HECW1: variants seen among roughly 807,000 people sequenced by gnomAD.
HECW1 encodes HECT, C2 and WW domain containing E3 ubiquitin protein ligase 1.
Under a neutral mutation model 182.3 loss-of-function variants are expected in HECW1, and 61 were observed. That is an observed-to-expected ratio of 0.33 (90% confidence interval 0.27 to 0.41). The LOEUF is 0.41. HECW1 is among the 10% of genes least tolerant of loss of function. The pLI, the probability that HECW1 is intolerant of heterozygous loss-of-function variation, is 1.00. For missense variants in HECW1, 1,739 were observed against 2,108.9 expected, an observed-to-expected ratio of 0.82 and a Z score of 3.44; for synonymous variants, 859 against 832.6, an observed-to-expected ratio of 1.03 and a Z score of -0.55.
chr7:43,114,168 A>G lies in HECW1; in HGVS notation c.-255A>G, dbSNP rs1784860792. On this transcript the variant is annotated 5_prime_UTR_variant, in exon 2 of 30. It removes an upstream start codon present in the reference 5' UTR. Transcript: ENST00000395891. ...TTCTCTTTGAAAAGATATCAATGCT[A>G]TGTTCAGCAGAAACGGATACAGCAA... 2 of 1,092,984 alleles carry G rather than the reference A, an allele frequency of 1.8e-6. No homozygotes were observed. The highest frequency in any genetic ancestry group is 1.2e-6 in the Non-Finnish European group (1 of 819,668). 67.7% of individuals were successfully genotyped at this position (1,092,984 alleles called of 1,614,324 possible).
intron 2 of HECW1, among the ~76,000 whole-genome samples, chr7:43,127,591 G>T (rs1786419452): frequency 6.6e-6 from 1 of 150,686 alleles, no homozygotes; most frequent in African/African-American, 2.4e-5. Flanking sequence ...AGTTTTCATG[G>T]TTTTGGATAG....
rs138972097 is a variant in HECW1 at position 43,334,629 on chromosome 7, G to T, written c.460+13887G>T. 3.9e-4 allele frequency among the ~76,000 whole-genome samples: 59 copies of T among 152,274 alleles called. No individual in the cohort carries two copies. In the East Asian group the frequency reaches 7.1e-3, roughly 18 times the overall value. On this transcript the variant is annotated intron_variant, in intron 5 of 29. Coordinates refer to ENST00000395891, the MANE Select transcript of HECW1 (RefSeq NM_015052.5). ...GCTGTTGCCAGCTGTGTTACCTGAG[G>T]AAAGTAAGCAGACAAAAAGCAGAAA...
intron 3 of HECW1, among the ~76,000 whole-genome samples, chr7:43,244,455 T>C (rs1328265572): frequency 6.6e-6 from 1 of 152,154 alleles, no homozygotes; most frequent in Non-Finnish European, 1.5e-5. Flanking sequence ...CTGCCAATGG[T>C]CCTCCTTCCT....
At chr7:43,133,099 T>C (rs1583627236) in intron 2 of HECW1, among the ~76,000 whole-genome samples, 1 of 152,124 alleles carries the variant, frequency 6.6e-6, no homozygotes, top group South Asian at 2.1e-4. Context: ...AATGAAATGA[T>C]CAATTACATT....
chr7:43,224,237 T>C (rs949394572), intron 2 of HECW1, among the ~76,000 whole-genome samples: 3 of 152,248 alleles, frequency 2.0e-5, no homozygotes, highest in African/African-American at 7.2e-5. Flanking sequence ...TAAAACATCA[T>C]GCATTTCTCA....
intron 24 of HECW1, among the ~76,000 whole-genome samples, chr7:43,515,224 T>C (rs1212290890): frequency 2.6e-4 from 40 of 152,114 alleles, no homozygotes; most frequent in Non-Finnish European, 1.5e-5. Context: ...CATCCTGGTG[T>C]CGGGTAGGGA....
At chr7:43,386,366 C>T (rs1002309743) in intron 6 of HECW1, among the ~76,000 whole-genome samples, 2 of 152,172 alleles carry the variant, frequency 1.3e-5, no homozygotes, top group Non-Finnish European at 2.9e-5. Flanking sequence ...GAAGGGTCCC[C>T]CTAGTCATCC....
intron 10 of HECW1, 91 bp downstream of exon 10, chr7:43,442,720 A>G: frequency 1.2e-6 from 1 of 863,628 alleles, no homozygotes; most frequent in Non-Finnish European, 1.9e-6. Flanking sequence ...GGTTCTCTCC[A>G]GATGTATCCT....
At position 43,305,012 on chromosome 7, in the gene HECW1, G is replaced by A. The variant is rs373529839; in HGVS notation, c.28-6751G>A. ...CCATTGAGGCCAGAGAGGAAGCTGC[G>A]GGACTGAGAACAGTCACTGAGTTCA... On this transcript the variant is annotated intron_variant, in intron 3 of 29. Transcript: ENST00000395891. Among the ~76,000 whole-genome samples the A allele has an allele frequency of 1.7e-4, 26 of 152,268 alleles. No homozygotes were observed. The East Asian group carries it at 4.0e-3, about 24-fold the overall frequency.
intron 3 of HECW1, among the ~76,000 whole-genome samples, chr7:43,248,111 A>G (rs1799623782): frequency 6.6e-6 from 1 of 151,940 alleles, no homozygotes; most frequent in African/African-American, 2.4e-5. Flanking sequence ...AGAGAAAGAC[A>G]AAGGAGAGGA....
intron 24 of HECW1, among the ~76,000 whole-genome samples, chr7:43,513,542 C>A (rs1461785915): frequency 6.6e-6 from 1 of 152,162 alleles, no homozygotes; most frequent in Non-Finnish European, 1.5e-5. Flanking sequence ...TAATCAAAAG[C>A]CCTAGCAGGG....
chr7:43,312,237 G>T (rs896618620), intron 4 of HECW1, 150 bp downstream of exon 4: 6 of 723,984 alleles, frequency 8.3e-6, no homozygotes, highest in Non-Finnish European at 1.3e-5. Flanking sequence ...GCATGACCTT[G>T]TTTTTCTGCA....
intron 3 of HECW1, among the ~76,000 whole-genome samples, chr7:43,263,447 G>A (rs1253200938): frequency 3.3e-5 from 5 of 152,216 alleles, no homozygotes; most frequent in Non-Finnish European, 5.9e-5. Flanking sequence ...TACAACCTCC[G>A]CCTCCCAGTT....
At chr7:43,378,047 A>G (rs1234225270) in intron 6 of HECW1, 1 of 175,024 alleles carries the variant, frequency 5.7e-6, no homozygotes, top group African/African-American at 2.4e-5. Context: ...TTGTGTTTTA[A>G]AGAGTTGAGT....
At chr7:43,151,190 T>A (rs903332830) in intron 2 of HECW1, among the ~76,000 whole-genome samples, 15 of 152,070 alleles carry the variant, frequency 9.9e-5, no homozygotes, top group South Asian at 2.1e-4. Flanking sequence ...TTGGAAAAAA[T>A]TCCCAACTGG....
intron 6 of HECW1, among the ~76,000 whole-genome samples, chr7:43,381,783 C>T (rs1344963340): frequency 1.3e-5 from 2 of 152,122 alleles, no homozygotes; most frequent in African/African-American, 4.8e-5. Flanking sequence ...CTTGGCCTCA[C>T]AAAGTGCTGG....
intron 2 of HECW1, among the ~76,000 whole-genome samples, chr7:43,201,845 A>G (rs1795041346): frequency 6.6e-6 from 1 of 152,236 alleles, no homozygotes; most frequent in South Asian, 2.1e-4. Context: ...CATAAAAGCA[A>G]AAAGAAAAAT....
intron 2 of HECW1, among the ~76,000 whole-genome samples, chr7:43,214,469 G>A (rs1796272266): frequency 6.6e-6 from 1 of 152,138 alleles, no homozygotes; most frequent in Non-Finnish European, 1.5e-5. Flanking sequence ...AGAGTTTCAT[G>A]TGTGTGTCTG....
intron 2 of HECW1, among the ~76,000 whole-genome samples, chr7:43,197,375 G>A (rs2152686976): frequency 6.6e-6 from 1 of 152,230 alleles, no homozygotes; most frequent in African/African-American, 2.4e-5. Flanking sequence ...ATGCAAATCA[G>A]AGAAAGGCTC....
Sources: allele counts gnomAD v4.1 joint callset (sites outside exome capture counted in the v4.1 genomes callset), GRCh38; gene constraint gnomAD v4.1.1; transcripts MANE v1.5; gene names NCBI Gene and HGNC (gene_info 2026-07-23, HGNC 2026-07-21).